ADAMTSL2: variants seen among roughly 807,000 people sequenced by gnomAD.
The protein encoded by ADAMTSL2 is ADAMTS-like protein 2.
In ADAMTSL2, 55 loss-of-function variants were observed where a neutral mutation model predicts 117.0. The ratio of observed to expected loss-of-function variants is 0.47; its 90% confidence interval spans 0.38 to 0.59. The LOEUF is 0.59. Ranked by LOEUF, ADAMTSL2 falls within the 20% of genes least tolerant of loss-of-function variation. The pLI is 0.00. For synonymous variants in ADAMTSL2, 572 were observed against 566.4 expected (o/e 1.01, Z -0.14); for missense variants, 1,182 against 1,354.5 (o/e 0.87, Z 2.00).
At chr9:133,549,628 T>C (rs1830437001) in intron 9 of ADAMTSL2, among the ~76,000 whole-genome samples, 1 of 123,988 alleles carries the variant, frequency 8.1e-6, no homozygotes, top group Non-Finnish European at 1.7e-5. Flanking sequence ...CAGGTAACCC[T>C]CCTGCCTCAG....
chr9:133,573,178 T>C (rs369600595), intron 17 of ADAMTSL2, among the ~76,000 whole-genome samples: 2 of 152,224 alleles, frequency 1.3e-5, no homozygotes, highest in Non-Finnish European at 2.9e-5. Flanking sequence ...GCCTGGATGA[T>C]GTGGGGTCAC....
rs1588278829 is a variant in ADAMTSL2 at position 133,540,064 on chromosome 9, A to T, written c.412+191A>T. 7.2e-5 allele frequency among the ~76,000 whole-genome samples: 11 copies of T among 152,192 alleles called. No individual in the cohort carries two copies. The South Asian group carries it at 2.3e-3, about 32-fold the overall frequency. On this transcript the variant is annotated intron_variant, in intron 5 of 18. Transcript: ENST00000651351. ...TCTGTCCCCTCCCCCATGACCCATGACATCAACGCAGGACAGATTACGGGA... is the reference window on the plus strand; with the variant it reads ...TCTGTCCCCTCCCCCATGACCCATGTCATCAACGCAGGACAGATTACGGGA...
chr9:133,564,587 A>G (rs1588305142), intron 12 of ADAMTSL2, among the ~76,000 whole-genome samples: 2 of 99,116 alleles, frequency 2.0e-5, no homozygotes, highest in African/African-American at 4.1e-5. Context: ...AGAGAAGGAG[A>G]GAGAGAGGGG....
intron 1 of ADAMTSL2, 117 bp from the exon 2 acceptor site, chr9:133,536,446 A>G: frequency 1.4e-6 from 2 of 1,400,618 alleles, no homozygotes; most frequent in Non-Finnish European, 1.9e-6. Flanking sequence ...AGGGTGGCAC[A>G]GGCTTAGCAC....
Position 133,573,829 on chromosome 9 carries a change from C to A in ADAMTSL2, c.2593-14C>A. ...AGGAGGCTTTCCCCATGCCTTCTGT[C>A]TCTCCCACACCAGTGCACCAAGACC... On this transcript the variant is annotated splice_polypyrimidine_tract_variant and intron_variant, in intron 17 of 18. Transcript: ENST00000651351. The A allele has an allele frequency of 6.2e-7, 1 of 1,614,002 alleles. No homozygotes were observed.
chr9:133,568,231 G>T (rs1199790195), intron 13 of ADAMTSL2, 42 bp from the exon 14 acceptor site: 6 of 1,538,970 alleles, frequency 3.9e-6, no homozygotes, highest in Non-Finnish European at 5.2e-6. Flanking sequence ...GGTCCCGGCT[G>T]CCATGGGGGG....
chr9:133,573,876 C>T lies in ADAMTSL2; in HGVS notation c.2626C>T (p.Arg876Ter), dbSNP rs1292129447. 1.2e-6 allele frequency: 2 copies of T among 1,613,966 alleles called. No individual in the cohort carries two copies. Among genetic ancestry groups the T allele is most frequent in the African/African-American group, 1.3e-5 (1 of 74,930 alleles). ...TKTCGVGVRM[R>*]DVKCYQGTDI... is the part of the protein sequence containing the mutation. ...GACCTGCGGGGTGGGCGTGAGGATG[C>T]GAGACGTCAAGTGCTACCAGGGGAC... is the stretch of plus-strand genomic sequence containing the variant. The change falls in exon 18 of 19, where the codon CGA becomes TGA. Residue 876 changes from arginine to a stop codon, truncating the protein, a stop_gained. Coordinates refer to ENST00000651351, the MANE Select transcript of ADAMTSL2 (RefSeq NM_014694.4). LOFTEE classifies it high-confidence loss of function.
At chr9:133,556,056 A>C (rs759368418) in intron 11 of ADAMTSL2, 126 bp downstream of exon 11, 67 of 1,256,232 alleles carry the variant, frequency 5.3e-5, no homozygotes, top group Non-Finnish European at 7.2e-5. Context: ...GAGGTAGAGG[A>C]GAGAGGGCCC....
intron 12 of ADAMTSL2, among the ~76,000 whole-genome samples, chr9:133,564,629 A>G (rs1588305401): frequency 3.0e-5 from 2 of 67,324 alleles, no homozygotes; most frequent in Admixed American, 1.4e-4. Context: ...AGAGAGGGAG[A>G]GAGAGAGAGA....
chr9:133,544,432 C>A, intron 7 of ADAMTSL2, 38 bp from the exon 8 acceptor site: 1 of 1,563,134 alleles, frequency 6.4e-7, no homozygotes, highest in Middle Eastern at 1.7e-4. Flanking sequence ...GCTGCCTTTC[C>A]AATCAAGAGG....
At chr9:133,562,488 T>TTGG (rs1830753725) in intron 12 of ADAMTSL2, among the ~76,000 whole-genome samples, 1 of 140,908 alleles carries the variant, frequency 7.1e-6, no homozygotes, top group African/African-American at 2.6e-5. Context: ...GGCACCCGGC[T>TTGG]CGGCCAGGCT....
intron 12 of ADAMTSL2, among the ~76,000 whole-genome samples, chr9:133,565,439 C>T (rs1326998121): frequency 6.6e-6 from 1 of 152,156 alleles, no homozygotes; most frequent in Non-Finnish European, 1.5e-5. Flanking sequence ...TGGCGATGGT[C>T]TGCAAGTCCC....
At chr9:133,539,309 G>C (rs1331329052) in intron 4 of ADAMTSL2, among the ~76,000 whole-genome samples, 1 of 152,204 alleles carries the variant, frequency 6.6e-6, no homozygotes, top group East Asian at 1.9e-4. Flanking sequence ...TTGTCTGCAC[G>C]CTGGGTTCCT....
intron 9 of ADAMTSL2, among the ~76,000 whole-genome samples, chr9:133,550,307 G>T (rs962998545): frequency 6.6e-6 from 1 of 152,242 alleles, no homozygotes. Context: ...CCTCACGGGC[G>T]TGCTGCCTTT....
intron 12 of ADAMTSL2, among the ~76,000 whole-genome samples, chr9:133,563,818 G>GGAGAGAGAGAGAGAGAGAGA (rs1359493983): frequency 9.0e-5 from 3 of 33,490 alleles, no homozygotes; most frequent in East Asian, 4.1e-4. Flanking sequence ...AGAGAAAGGG[G>GGAGAGAGAGAGAGAGAGAGA]GAGAGAGAGA....
At chr9:133,566,817 A>C in intron 12 of ADAMTSL2, 119 bp from the exon 13 acceptor site, 3 of 1,359,328 alleles carry the variant, frequency 2.2e-6, no homozygotes, top group Non-Finnish European at 3.0e-6. Context: ...GCTGTGACTG[A>C]TCCCCAAGCC....
At chr9:133,534,193 C>T (rs9696477), upstream of ADAMTSL2, 38,475 of 152,464 alleles carry the variant, frequency 0.25, 5,149 homozygotes, top group East Asian at 0.39. Flanking sequence ...GCTGGGTCTC[C>T]CTGCGTCCCT....
chr9:133,559,031 G>T (rs1470617569), intron 11 of ADAMTSL2, among the ~76,000 whole-genome samples: 1 of 152,186 alleles, frequency 6.6e-6, no homozygotes, highest in Non-Finnish European at 1.5e-5. Context: ...CTGCCTGCTG[G>T]CTCAGAGCAT....
Position 133,546,028 on chromosome 9 carries a change from G to A in ADAMTSL2, c.764-1010G>A, listed in dbSNP as rs908938896. On this transcript the variant is annotated intron_variant, in intron 8 of 18. Coordinates refer to ENST00000651351, the MANE Select transcript of ADAMTSL2 (RefSeq NM_014694.4). ...ATATTGCATCAGGAATTTGGAAGCC[G>A]AACTCCTCTTCTCCCACTGGCCAGT... 2.6e-5 allele frequency among the ~76,000 whole-genome samples: 4 copies of A among 152,046 alleles called. No individual in the cohort carries two copies. In the South Asian group the frequency reaches 6.2e-4, roughly 24 times the overall value.
Sources: allele counts gnomAD v4.1 joint callset (sites outside exome capture counted in the v4.1 genomes callset), GRCh38; gene constraint gnomAD v4.1.1; transcripts MANE v1.5; gene names NCBI Gene and HGNC (gene_info 2026-07-23, HGNC 2026-07-21).